IER3IP1: variants seen among roughly 807,000 people sequenced by gnomAD.
IER3IP1 encodes the protein immediate early response 3-interacting protein 1.
A neutral mutation model predicts 12.2 loss-of-function variants in IER3IP1; 16 were observed. That is an observed-to-expected ratio of 1.31 (90% confidence interval 0.89 to 1.99). The LOEUF is 1.99. IER3IP1 is among the 30% of genes most tolerant of loss of function. The probability of loss-of-function intolerance (pLI) is 0.00; values close to 1 mark genes in which losing one functional copy is unlikely to be tolerated. For synonymous variants in IER3IP1, 42 were observed against 40.0 expected (o/e 1.05, Z -0.19); for missense variants, 95 against 95.8 (o/e 0.99, Z 0.03).
intron 2 of IER3IP1, among the ~76,000 whole-genome samples, chr18:47,156,437 G>A (rs2063959382): frequency 6.6e-6 from 1 of 152,158 alleles, no homozygotes; most frequent in Non-Finnish European, 1.5e-5. Context: ...TGTATAACTG[G>A]GAGTAAGGGT....
intron 1 of IER3IP1, among the ~76,000 whole-genome samples, chr18:47,175,416 C>T (rs2064029110): frequency 6.6e-6 from 1 of 152,024 alleles, no homozygotes; most frequent in South Asian, 2.1e-4. Flanking sequence ...TACTGATGCT[C>T]CAAAATGGGT....
chr18:47,159,950 C>G (rs1270557074), intron 1 of IER3IP1, among the ~76,000 whole-genome samples: 2 of 152,032 alleles, frequency 1.3e-5, no homozygotes, highest in Non-Finnish European at 2.9e-5. Context: ...AATCCCAGCA[C>G]TTTGGGAGGC....
rs953406190 is a variant in IER3IP1, at chr18:47,157,519, T to A, written c.110A>T (p.Gln37Leu). Residue 37 changes from glutamine (Q) to leucine (L), a missense_variant, in exon 2 of 3, where the codon CAG (glutamine) becomes CTG (leucine). By Grantham distance (113) the Gln-to-Leu change is moderately radical (BLOSUM62 -2). Transcript: ENST00000256433. ...FLKNIGWGTD[Q>L]GIGGFGEEPG... Reference sequence around the variant, plus strand: ...CTCTTCTCCAAATCCACCAATTCCCTGGTCTGTTCCCCAGCCAACTGTATA... The same window carrying A: ...CTCTTCTCCAAATCCACCAATTCCCAGGTCTGTTCCCCAGCCAACTGTATA... The A allele has an allele frequency of 4.3e-6, 7 of 1,614,094 alleles. No homozygotes were observed. Among genetic ancestry groups the A allele is most frequent in the Non-Finnish European group, 5.9e-6 (7 of 1,179,942 alleles).
intron 1 of IER3IP1, among the ~76,000 whole-genome samples, chr18:47,165,929 CCTGAG>C (rs2063994632): frequency 6.6e-6 from 1 of 152,176 alleles, no homozygotes; most frequent in African/African-American, 2.4e-5. Flanking sequence ...GTTATGGCAG[CCTGAG>C]CTGACTAATA....
At chr18:47,161,964 C>T (rs957590218) in intron 1 of IER3IP1, among the ~76,000 whole-genome samples, 4 of 151,860 alleles carry the variant, frequency 2.6e-5, no homozygotes, top group African/African-American at 9.7e-5. Context: ...CAGTTCACAA[C>T]AGGGTTCATG....
At chr18:47,170,993 TATG>T (rs907936888) in intron 1 of IER3IP1, among the ~76,000 whole-genome samples, 18 of 152,168 alleles carry the variant, frequency 1.2e-4, no homozygotes, top group African/African-American at 4.1e-4. Context: ...CAGCATTAAG[TATG>T]ATGTTAACTA....
chr18:47,160,213 C>A (rs2063975701), intron 1 of IER3IP1, among the ~76,000 whole-genome samples: 1 of 151,670 alleles, frequency 6.6e-6, no homozygotes, highest in Admixed American at 6.6e-5. Flanking sequence ...AAAAAAAGTT[C>A]CCATCCTCTG....
intron 1 of IER3IP1, among the ~76,000 whole-genome samples, chr18:47,163,967 A>G (rs2063987837): frequency 1.3e-5 from 2 of 152,130 alleles, no homozygotes; most frequent in Non-Finnish European, 2.9e-5. Flanking sequence ...TTCCATCCAC[A>G]GCCACAATTT....
chr18:47,156,591 A>T (rs2063959973), intron 2 of IER3IP1, among the ~76,000 whole-genome samples: 1 of 152,134 alleles, frequency 6.6e-6, no homozygotes, highest in Non-Finnish European at 1.5e-5. Context: ...TGCATAGAAG[A>T]TTCTGTAGTG....
intron 1 of IER3IP1, among the ~76,000 whole-genome samples, chr18:47,159,220 A>G (rs1276946236): frequency 6.6e-6 from 1 of 152,218 alleles, no homozygotes; most frequent in Non-Finnish European, 1.5e-5. Context: ...GCTTTATCTA[A>G]CTGTGGTCAT....
chr18:47,168,677 T>G (rs964619485), intron 1 of IER3IP1, among the ~76,000 whole-genome samples: 2 of 152,360 alleles, frequency 1.3e-5, no homozygotes, highest in East Asian at 3.9e-4. Flanking sequence ...TTCATTATGA[T>G]TATGCTGCTA....
In IER3IP1 at chr18:47,176,297, G is replaced by A. The variant is rs1037936721; in HGVS notation, c.-20C>T. ...GGCCATGGCCGTCCGAGGCCGCCCCGAAGTCCAAGCGATTTCTCTCCCGCC... is the reference window on the plus strand; with the variant it reads ...GGCCATGGCCGTCCGAGGCCGCCCCAAAGTCCAAGCGATTTCTCTCCCGCC... On this transcript the variant is annotated 5_prime_UTR_variant, in exon 1 of 3. Transcript: ENST00000256433. The A allele has an allele frequency of 1.1e-5, 17 of 1,588,108 alleles. No individual in the cohort carries two copies. Among genetic ancestry groups the A allele is most frequent in the East Asian group, 2.3e-5 (1 of 43,952 alleles).
Position 47,154,959 on chromosome 18 carries a change from C to T in IER3IP1, c.*1218G>A, listed in dbSNP as rs1485621734. The T allele has an allele frequency of 1.3e-5, 2 of 152,088 alleles. No homozygotes were observed. The highest frequency in any genetic ancestry group is 3.8e-4 in the East Asian group (2 of 5,198). The allele number at this position is 152,088 out of a possible 1,614,324, so 9.4% of individuals were successfully genotyped here. ...TACTCGGCAATTTTACAGCAAAGAA[C>T]ATATAATAAGAGGTGTTCACCCAAA... On this transcript the variant is annotated 3_prime_UTR_variant, in exon 3 of 3. Transcript: ENST00000256433.
chr18:47,163,501 T>C (rs975039757), intron 1 of IER3IP1, among the ~76,000 whole-genome samples: 3 of 152,198 alleles, frequency 2.0e-5, no homozygotes, highest in Non-Finnish European at 4.4e-5. Flanking sequence ...ATTTTCAGAC[T>C]GTGATTGACT....
rs1303903568 is a variant in IER3IP1, at chr18:47,153,742, A to T, written c.*2435T>A. 1 of 152,178 alleles carries T rather than the reference A, an allele frequency of 6.6e-6. No homozygotes were observed. The highest frequency in any genetic ancestry group is 2.4e-5 in the African/African-American group (1 of 41,438). 9.4% of individuals were successfully genotyped at this position (152,178 alleles called of 1,614,324 possible). ...TATTATCTAATTCTTTTTTATGGCT[A>T]AAGCAGGGATTTTTATAAGATACTT... On this transcript the variant is annotated 3_prime_UTR_variant, in exon 3 of 3. Coordinates refer to ENST00000256433, the MANE Select transcript of IER3IP1 (RefSeq NM_016097.5).
At chr18:47,158,496 C>T (rs1312333678) in intron 1 of IER3IP1, among the ~76,000 whole-genome samples, 1 of 151,924 alleles carries the variant, frequency 6.6e-6, no homozygotes, top group African/African-American at 2.4e-5. Flanking sequence ...CGCACGCCAC[C>T]ACACCCGGCT....
Position 47,169,067 on chromosome 18 carries a change from C to G in IER3IP1, c.91+7120G>C, listed in dbSNP as rs189174880. 2.7e-4 allele frequency among the ~76,000 whole-genome samples: 41 copies of G among 152,246 alleles called. No homozygotes were observed. The East Asian group carries it at 5.4e-3, about 20-fold the overall frequency. On this transcript the variant is annotated intron_variant, in intron 1 of 2. Coordinates refer to ENST00000256433, the MANE Select transcript of IER3IP1 (RefSeq NM_016097.5). ...AAGAAACCCTGTACACATTGGCAAC[C>G]ACTTCCCACAACCTCAGGCCCTCCA...
chr18:47,156,510 C>G (rs2063959669), intron 2 of IER3IP1, among the ~76,000 whole-genome samples: 1 of 152,154 alleles, frequency 6.6e-6, no homozygotes, highest in South Asian at 2.1e-4. Flanking sequence ...ACCCCAAGAA[C>G]ATGAGTGCAC....
chr18:47,160,301 A>T (rs1056311681), intron 1 of IER3IP1, among the ~76,000 whole-genome samples: 1 of 152,230 alleles, frequency 6.6e-6, no homozygotes, highest in African/African-American at 2.4e-5. Flanking sequence ...AATTTGGTGG[A>T]AACAACACTG....
Sources: allele counts gnomAD v4.1 joint callset (sites outside exome capture counted in the v4.1 genomes callset), GRCh38; gene constraint gnomAD v4.1.1; transcripts MANE v1.5; gene names NCBI Gene and HGNC (gene_info 2026-07-23, HGNC 2026-07-21).